The following CNTNAP5 variants were observed in gnomAD, a reference collection of about 807,000 sequenced individuals.
CNTNAP5 encodes contactin-associated protein-like 5.
A neutral mutation model predicts 150.2 loss-of-function variants in CNTNAP5; 72 were observed. That is an observed-to-expected ratio of 0.48 (90% CI 0.40 to 0.58). CNTNAP5 has a LOEUF of 0.58. CNTNAP5 is among the 20% of genes least tolerant of loss of function. The pLI is 0.00. For missense variants in CNTNAP5, 1,636 were observed against 1,626.2 expected (o/e 1.01, Z -0.10); for synonymous variants, 672 against 619.8 (o/e 1.08, Z -1.25).
In CNTNAP5 at chr2:124,273,926, T is replaced by C. The variant is rs1056827258; in HGVS notation, c.381+31533T>C. On this transcript the variant is annotated intron_variant, in intron 3 of 23. Transcript: ENST00000682447. ...GTTAGCAAAATTGCTGGAGAAGAGG[T>C]ACAAATTTGTGTGAGTCCACATTTG... Among the ~76,000 whole-genome samples, 5 of 152,280 alleles carry C rather than the reference T, an allele frequency of 3.3e-5. No individual in the cohort carries two copies. The East Asian group carries it at 9.7e-4, about 29-fold the overall frequency.
chr2:124,047,927 C>T (rs1398260788), intron 1 of CNTNAP5, among the ~76,000 whole-genome samples: 1 of 152,136 alleles, frequency 6.6e-6, no homozygotes, highest in East Asian at 1.9e-4. Context: ...TTATACTGCT[C>T]CTCTAGCACA....
At chr2:124,464,223 G>T (rs1295112578) in intron 6 of CNTNAP5, among the ~76,000 whole-genome samples, 3 of 152,082 alleles carry the variant, frequency 2.0e-5, no homozygotes, top group African/African-American at 4.8e-5. Context: ...GTCAGGACAT[G>T]GATGAAGCAA....
chr2:124,574,674 A>T (rs1016548664), intron 11 of CNTNAP5, among the ~76,000 whole-genome samples: 1 of 152,248 alleles, frequency 6.6e-6, no homozygotes, highest in African/African-American at 2.4e-5. Context: ...AGTAGTGAGC[A>T]ATAATAAAAC....
chr2:124,283,236 T>C (rs572790032), intron 3 of CNTNAP5, among the ~76,000 whole-genome samples: 7 of 152,268 alleles, frequency 4.6e-5, no homozygotes, highest in African/African-American at 1.7e-4. Context: ...TGGAGAGCAT[T>C]TTCCCCTCAA....
intron 1 of CNTNAP5, among the ~76,000 whole-genome samples, chr2:124,092,812 TTGAGGTGGTGTAAA>T (rs1682846307): frequency 1.3e-5 from 2 of 152,182 alleles, no homozygotes; most frequent in South Asian, 4.1e-4. Context: ...CAAAGATTGT[TTGAGGTGGTGTAAA>T]AAAGTACAAA....
chr2:124,812,018 AT>A (rs373944151), intron 19 of CNTNAP5, among the ~76,000 whole-genome samples: 3 of 26,260 alleles, frequency 1.1e-4, no homozygotes, highest in South Asian at 2.1e-3. Context: ...TATAATTTAT[AT>A]TTATATATTA....
At chr2:124,139,891 C>G (rs1190789842) in intron 1 of CNTNAP5, among the ~76,000 whole-genome samples, 2 of 152,270 alleles carry the variant, frequency 1.3e-5, no homozygotes, top group African/African-American at 2.4e-5. Context: ...GTTCATCGCA[C>G]TAGGGAGTGC....
chr2:124,148,293 C>G (rs1684304456), intron 1 of CNTNAP5, among the ~76,000 whole-genome samples: 1 of 150,128 alleles, frequency 6.7e-6, no homozygotes, highest in Admixed American at 6.6e-5. Flanking sequence ...AGCGAGACCC[C>G]CTCTAAAAAA....
In CNTNAP5 at chr2:124,419,140, C is replaced by CAAAAAAAAAAAAAAAAAAAAAA. The variant is rs778863758; in HGVS notation, c.529+1552_529+1573dup. Among the ~76,000 whole-genome samples the CAAAAAAAAAAAAAAAAAAAAAA allele has an allele frequency of 6.9e-4, 20 of 28,908 alleles. 3 individuals are homozygous for CAAAAAAAAAAAAAAAAAAAAAA. The highest frequency in any genetic ancestry group is 9.3e-4 in the Non-Finnish European group (14 of 15,132). The allele number at this position is 28,908 out of a possible 152,430, so 19.0% of individuals were successfully genotyped here. ...TGGGCGACAGAGCGAGACTCCTTCT[C>CAAAAAAAAAAAAAAAAAAAAAA]AAAAAAAAAAAAAAAAAAAAAAACA... On this transcript the variant is annotated intron_variant, in intron 4 of 23. Coordinates refer to ENST00000682447, the MANE Select transcript of CNTNAP5 (RefSeq NM_001367498.1).
chr2:124,082,402 T>C (rs1682581352), intron 1 of CNTNAP5, among the ~76,000 whole-genome samples: 1 of 150,396 alleles, frequency 6.6e-6, no homozygotes. Context: ...ACCTTTGAGA[T>C]TGGCTTTTAT....
At chr2:124,394,807 T>G (rs1211145047) in intron 3 of CNTNAP5, among the ~76,000 whole-genome samples, 2 of 152,218 alleles carry the variant, frequency 1.3e-5, no homozygotes, top group African/African-American at 2.4e-5. Context: ...TCCTTCTCAC[T>G]GCTTCGCCTC....
intron 3 of CNTNAP5, among the ~76,000 whole-genome samples, chr2:124,389,998 TAA>T: frequency 6.6e-6 from 1 of 151,930 alleles, no homozygotes; most frequent in Non-Finnish European, 1.5e-5. Flanking sequence ...ATAACAATAA[TAA>T]TAATAATTTA....
At chr2:124,403,290 T>C (rs1212061882) in intron 3 of CNTNAP5, among the ~76,000 whole-genome samples, 2 of 152,222 alleles carry the variant, frequency 1.3e-5, no homozygotes, top group African/African-American at 2.4e-5. Flanking sequence ...TTTCTTTTTT[T>C]TCTCTCTGTC....
intron 19 of CNTNAP5, among the ~76,000 whole-genome samples, chr2:124,835,306 G>T (rs1250025017): frequency 6.6e-6 from 1 of 151,998 alleles, no homozygotes; most frequent in East Asian, 1.9e-4. Flanking sequence ...ATGATCATTT[G>T]CTTACTGCTC....
chr2:124,666,786 G>A (rs1678710824), intron 13 of CNTNAP5, among the ~76,000 whole-genome samples: 1 of 152,164 alleles, frequency 6.6e-6, no homozygotes, highest in Non-Finnish European at 1.5e-5. Context: ...GCCCATGGCT[G>A]CAAGTATTCT....
chr2:124,817,672 C>A (rs999537702), intron 19 of CNTNAP5, among the ~76,000 whole-genome samples: 4 of 152,128 alleles, frequency 2.6e-5, no homozygotes, highest in Admixed American at 2.6e-4. Flanking sequence ...TTCAGTTACA[C>A]GTCTTTCCAT....
At chr2:124,518,770 T>C (rs1377657820) in intron 8 of CNTNAP5, among the ~76,000 whole-genome samples, 1 of 151,920 alleles carries the variant, frequency 6.6e-6, no homozygotes, top group Non-Finnish European at 1.5e-5. Flanking sequence ...GTGGATCACT[T>C]GAGGTCAGGA....
intron 21 of CNTNAP5, among the ~76,000 whole-genome samples, chr2:124,882,331 C>T (rs1015603177): frequency 6.6e-6 from 1 of 152,050 alleles, no homozygotes. Context: ...ACCAGGTGTG[C>T]TGAGATGACA....
intron 22 of CNTNAP5, among the ~76,000 whole-genome samples, chr2:124,903,500 T>C (rs1407352093): frequency 6.6e-6 from 1 of 152,160 alleles, no homozygotes; most frequent in Non-Finnish European, 1.5e-5. Context: ...AAAATAAACC[T>C]TTTTTAGCTT....
Sources: allele counts gnomAD v4.1 joint callset (sites outside exome capture counted in the v4.1 genomes callset), GRCh38; gene constraint gnomAD v4.1.1; transcripts MANE v1.5; gene names NCBI Gene and HGNC (gene_info 2026-07-23, HGNC 2026-07-21).